Variants in HSD11B1 observed in about 807,000 individuals in gnomAD.
The protein encoded by HSD11B1 is 11-beta-hydroxysteroid dehydrogenase 1.
HSD11B1 carries 15 observed loss-of-function variants against 22.1 expected under a neutral mutation model. That is an observed-to-expected ratio of 0.68 (90% CI 0.45 to 1.04). The LOEUF (loss-of-function observed/expected upper bound fraction) is 1.04, where lower values mean the gene tolerates loss of function less well. Ranked by LOEUF, HSD11B1 falls within the 50% of genes least tolerant of loss-of-function variation. HSD11B1 has a pLI of 0.00. For missense variants in HSD11B1, 281 were observed against 357.6 expected (o/e 0.79, Z 1.73); for synonymous variants, 122 against 125.2 (o/e 0.97, Z 0.17).
At chr1:209,704,756 T>G (rs1455607392), upstream of HSD11B1, 2 of 588,590 alleles carry the variant, frequency 3.4e-6, no homozygotes, top group Non-Finnish European at 6.1e-6. Flanking sequence ...CAGGGACGAA[T>G]GGGATCCCAC....
chr1:209,703,926 T>C (rs1187008549), upstream of HSD11B1, among the ~76,000 whole-genome samples: 1 of 152,236 alleles, frequency 6.6e-6, no homozygotes, highest in African/African-American at 2.4e-5. Flanking sequence ...GCTACGGACA[T>C]ACTGAGGTGG....
intron 1 of HSD11B1, among the ~76,000 whole-genome samples, chr1:209,698,167 T>TTAGA (rs3059689): frequency 0.076 from 11,168 of 146,600 alleles, 525 homozygotes; most frequent in East Asian, 0.14. Context: ...GATAGATAGA[T>TTAGA]TAGATAGATA....
chr1:209,722,099 C>T (rs2076970523), intron 4 of HSD11B1, among the ~76,000 whole-genome samples: 1 of 152,084 alleles, frequency 6.6e-6, no homozygotes, highest in Non-Finnish European at 1.5e-5. Context: ...TTTGGGCCCA[C>T]CCTTCAACTG....
chr1:209,730,958 A>T (rs2077031861), intron 4 of HSD11B1, among the ~76,000 whole-genome samples: 1 of 152,238 alleles, frequency 6.6e-6, no homozygotes, highest in African/African-American at 2.4e-5. Flanking sequence ...GGAAGAAGGA[A>T]ATGACAGTAG....
chr1:209,686,646 C>T (rs2076730618), intron 1 of HSD11B1, among the ~76,000 whole-genome samples: 1 of 106,026 alleles, frequency 9.4e-6, no homozygotes, highest in African/African-American at 2.8e-5. Flanking sequence ...TACAGAAAGA[C>T]AGCAAGAATT....
intron 1 of HSD11B1, among the ~76,000 whole-genome samples, chr1:209,698,625 G>GC (rs940687963): frequency 3.9e-5 from 6 of 152,116 alleles, no homozygotes; most frequent in African/African-American, 1.4e-4. Flanking sequence ...TTCTTACATG[G>GC]CCCCCTCTCT....
At position 209,706,720 on chromosome 1, in the gene HSD11B1, C is replaced by T. The variant is rs1401910746; in HGVS notation, c.231C>T (p.His77=). ...SKETLQKVVS[H]CLELGAASAH... is the part of the protein sequence containing the mutation. ...CTGTATCACTGCAGGTGGTATCCCA[C>T]TGCCTGGAGCTTGGAGCAGCCTCAG... The change falls in exon 3 of 6, where the codon CAC becomes CAT. Residue 77 remains histidine, a synonymous_variant. Coordinates refer to ENST00000367027, the MANE Select transcript of HSD11B1 (RefSeq NM_005525.4). The surrounding 1 kb of genome is among the most constrained non-coding windows in gnomAD (Gnocchi z 4.0). 2 of 1,613,272 alleles carry T rather than the reference C, an allele frequency of 1.2e-6. No homozygotes were observed. Among genetic ancestry groups the T allele is most frequent in the Admixed American group, 3.3e-5 (2 of 59,990 alleles).
At chr1:209,717,935 T>C (rs559436197) in intron 4 of HSD11B1, among the ~76,000 whole-genome samples, 2 of 151,486 alleles carry the variant, frequency 1.3e-5, no homozygotes, top group South Asian at 4.2e-4. Context: ...CTCCAGTCAT[T>C]TGCAGTAATG....
At position 209,705,921 on chromosome 1, in the gene HSD11B1, T is replaced by C. The variant is rs1247210872; in HGVS notation, c.199T>C (p.Ser67Pro). Residue 67 changes from serine (S) to proline (P), a missense_variant, in exon 2 of 6, where the codon TCA (serine) becomes CCA (proline). Ser to Pro is a moderately conservative substitution (Grantham distance 74). Transcript: ENST00000367027. Reference sequence around the variant, plus strand: ...AGCCCATGTGGTGGTGACAGCGAGGTCAAAAGAAACTCTACAGAAGGTGAG... The same window carrying C: ...AGCCCATGTGGTGGTGACAGCGAGGCCAAAAGAAACTCTACAGAAGGTGAG... ...MGAHVVVTAR[S>P]KETLQKVVSH... 1 of 1,613,692 alleles carries C rather than the reference T, an allele frequency of 6.2e-7. No homozygotes were observed. Among genetic ancestry groups the C allele is most frequent in the African/African-American group, 1.3e-5 (1 of 74,864 alleles).
At chr1:209,705,301 A>G (rs1321402723) in intron 1 of HSD11B1, among the ~76,000 whole-genome samples, 4 of 151,742 alleles carry the variant, frequency 2.6e-5, no homozygotes, top group Non-Finnish European at 4.4e-5. Flanking sequence ...CTTCTACAAA[A>G]ATGAGAGTAA....
At chr1:209,733,397 TGAAGAAC>T (rs1263713788) in intron 5 of HSD11B1, among the ~76,000 whole-genome samples, 1 of 152,148 alleles carries the variant, frequency 6.6e-6, no homozygotes, top group African/African-American at 2.4e-5. Flanking sequence ...AAGGAAAGGC[TGAAGAAC>T]TGTCACAGAT....
At chr1:209,726,696 T>C (rs933515071) in intron 4 of HSD11B1, among the ~76,000 whole-genome samples, 11 of 152,246 alleles carry the variant, frequency 7.2e-5, no homozygotes, top group African/African-American at 2.7e-4. Context: ...TCTCCTTTCT[T>C]CTGCTTTCAC....
At chr1:209,725,545 T>C (rs2076995443) in intron 4 of HSD11B1, among the ~76,000 whole-genome samples, 1 of 152,222 alleles carries the variant, frequency 6.6e-6, no homozygotes, top group South Asian at 2.1e-4. Context: ...TTAAAGAGAC[T>C]TAATTCATAA....
chr1:209,693,217 A>G (rs534786522), intron 1 of HSD11B1, among the ~76,000 whole-genome samples: 2 of 152,336 alleles, frequency 1.3e-5, no homozygotes, highest in Admixed American at 6.5e-5. Context: ...TCCTCCCATC[A>G]GATATAAAAT....
intron 4 of HSD11B1, among the ~76,000 whole-genome samples, chr1:209,720,838 T>A (rs1424167778): frequency 6.6e-6 from 1 of 152,110 alleles, no homozygotes. Flanking sequence ...AAAAAAGATA[T>A]ATCTACATCC....
chr1:209,733,727 TTAGAGAAA>T (rs531485177), intron 5 of HSD11B1, among the ~76,000 whole-genome samples: 58 of 151,446 alleles, frequency 3.8e-4, no homozygotes, highest in African/African-American at 1.3e-3. Context: ...TGAGCAACAG[TTAGAGAAA>T]TAGAGAGAGA....
chr1:209,696,140 C>G (rs920396254), intron 1 of HSD11B1, among the ~76,000 whole-genome samples: 3 of 152,148 alleles, frequency 2.0e-5, no homozygotes, highest in African/African-American at 7.2e-5. Flanking sequence ...TATAAAATGT[C>G]CAGGGCAGGC....
In HSD11B1 at chr1:209,715,866, C is replaced by T. The variant is rs116255683; in HGVS notation, c.517+8738C>T. On this transcript the variant is annotated intron_variant, in intron 4 of 5. Transcript: ENST00000367027. The stretch of plus-strand genomic sequence containing the variant: ...GTGGGTAAAAGTTAAACAAGGAAGA[C>T]GGTATTTACATAGTCTCAAAGTACT... Among the ~76,000 whole-genome samples the T allele has an allele frequency of 7.2e-3, 1,099 of 152,246 alleles. 8 individuals are homozygous for T. Among genetic ancestry groups the T allele is most frequent in the African/African-American group, 0.024 (1,008 of 41,542 alleles).
At chr1:209,701,202 C>T (rs942754295), upstream of HSD11B1, among the ~76,000 whole-genome samples, 1 of 152,126 alleles carries the variant, frequency 6.6e-6, no homozygotes, top group African/African-American at 2.4e-5. Flanking sequence ...TACCCGAAAC[C>T]AGGATCAAAG....
Sources: gnomAD v4.1 joint callset for allele counts (sites outside exome capture counted in the v4.1 genomes callset) on GRCh38, gnomAD v4.1.1 for gene constraint, Gnocchi (gnomAD v3.1) non-coding constraint, MANE v1.5 for transcripts, NCBI Gene and HGNC (gene_info 2026-07-23, HGNC 2026-07-21) for gene names.